CCND3: variants seen among roughly 807,000 people sequenced by gnomAD.
The protein encoded by CCND3 is cyclin D3.
Under a neutral mutation model 28.7 loss-of-function variants are expected in CCND3, and 9 were observed. The ratio of observed to expected loss-of-function variants is 0.31; its 90% CI spans 0.19 to 0.55. The LOEUF (loss-of-function observed/expected upper bound fraction) is 0.55. CCND3 is among the 20% of genes least tolerant of loss of function. CCND3 has a pLI of 0.93. For synonymous variants in CCND3, 164 were observed against 163.9 expected (o/e 1.00, Z 0.00); for missense variants, 315 against 385.8 (o/e 0.82, Z 1.54).
chr6:41,962,725 C>A (rs1228913079), intron 1 of CCND3, among the ~76,000 whole-genome samples: 5 of 151,674 alleles, frequency 3.3e-5, no homozygotes, highest in African/African-American at 1.2e-4. Flanking sequence ...CGCCAGCCTG[C>A]GTGACAAGAG....
intron 1 of CCND3, among the ~76,000 whole-genome samples, chr6:41,969,232 G>A (rs1472411173): frequency 2.0e-5 from 3 of 151,416 alleles, no homozygotes; most frequent in Admixed American, 6.6e-5. Flanking sequence ...ATCAAGACTG[G>A]GCCAGGCACA....
At chr6:41,940,649 G>A (rs1163051893) in intron 1 of CCND3, 64 bp from the exon 2 acceptor site, 2 of 1,169,712 alleles carry the variant, frequency 1.7e-6, no homozygotes, top group East Asian at 4.7e-5. Flanking sequence ...CGGGGGGGTG[G>A]GAGCGCTGAA....
At position 41,941,221 on chromosome 6, in the gene CCND3, GCA is replaced by G. The variant is rs1776003538; in HGVS notation, c.198+229_198+230del. 1.4e-6 allele frequency: 2 copies of G among 1,434,754 alleles called. No homozygotes were observed. The highest frequency in any genetic ancestry group is 1.8e-6 in the Non-Finnish European group (2 of 1,098,694). 88.9% of individuals were successfully genotyped at this position (1,434,754 alleles called of 1,614,324 possible). A position where few individuals can be genotyped will look rare whatever the true frequency, so the allele number is the denominator to read the frequency against. ...TCCCGTTTGCTCGGCCCGAAGAGAGGCACAGTTAGGGTGCCAAGTGACTGGCA... is the reference window on the plus strand; with the variant it reads ...TCCCGTTTGCTCGGCCCGAAGAGAGGCAGTTAGGGTGCCAAGTGACTGGCA... On this transcript the variant is annotated intron_variant, in intron 1 of 4. Transcript: ENST00000372991. The surrounding 1 kb of genome is among the most constrained non-coding windows in gnomAD (Gnocchi z 6.1).
chr6:41,940,583 T>C lies in CCND3; in HGVS notation c.201A>G (p.Val67=), dbSNP rs537903651. The C allele has an allele frequency of 6.4e-6, 10 of 1,557,662 alleles. No homozygotes were observed. Among genetic ancestry groups the C allele is most frequent in the Non-Finnish European group, 8.7e-6 (10 of 1,146,566 alleles). The change falls in exon 2 of 5, where the codon GTA becomes GTG. Residue 67 remains valine (V), a splice_region_variant and synonymous_variant. Coordinates refer to ENST00000372991, the MANE Select transcript of CCND3 (RefSeq NM_001760.5). ...CCTCCTCACAGCGCTGCTCCTCACA[T>C]ACCTGGGGGAGGGCGCACAGTCACT... is the stretch of plus-strand genomic sequence containing the variant. ...RKMLAYWMLE[V]CEEQRCEEEV...
intron 1 of CCND3, among the ~76,000 whole-genome samples, chr6:42,006,779 G>A (rs1763186907): frequency 6.6e-6 from 1 of 152,004 alleles, no homozygotes; most frequent in Admixed American, 6.6e-5. Flanking sequence ...GTGGTGGCGG[G>A]CGCCTGTAGT....
intron 1 of CCND3, among the ~76,000 whole-genome samples, chr6:41,968,195 GA>G (rs1245706892): frequency 6.6e-6 from 1 of 152,106 alleles, no homozygotes; most frequent in South Asian, 2.1e-4. Flanking sequence ...CTGTGCACTG[GA>G]AAAAAATGCC....
At chr6:41,983,538 C>T (rs1224594861) in intron 1 of CCND3, among the ~76,000 whole-genome samples, 1 of 151,784 alleles carries the variant, frequency 6.6e-6, no homozygotes, top group Non-Finnish European at 1.5e-5. Context: ...TCATTATTAA[C>T]TATAATCACC....
intron 1 of CCND3, among the ~76,000 whole-genome samples, chr6:41,991,804 A>C (rs1396126880): frequency 1.3e-5 from 2 of 152,046 alleles, no homozygotes; most frequent in Non-Finnish European, 2.9e-5. Context: ...CTTCTATGAC[A>C]TCAGCTTTTT....
intron 1 of CCND3, among the ~76,000 whole-genome samples, chr6:41,964,465 T>A (rs759471508): frequency 2.8e-5 from 1 of 35,176 alleles, no homozygotes; most frequent in Non-Finnish European, 9.3e-5. Context: ...TGTGTGTGAG[T>A]GTGTGTGTGA....
intron 1 of CCND3, among the ~76,000 whole-genome samples, chr6:41,946,844 G>C (rs1776183747): frequency 6.6e-6 from 1 of 151,980 alleles, no homozygotes; most frequent in Non-Finnish European, 1.5e-5. Context: ...CAGCACTTTG[G>C]GAGGCCGAGG....
At chr6:41,996,828 C>T (rs1762823347) in intron 1 of CCND3, among the ~76,000 whole-genome samples, 1 of 152,040 alleles carries the variant, frequency 6.6e-6, no homozygotes, top group African/African-American at 2.4e-5. Flanking sequence ...CCATGTCCAG[C>T]TAATTTTTGT....
chr6:42,003,408 C>T (rs759879795), intron 1 of CCND3, among the ~76,000 whole-genome samples: 4 of 150,690 alleles, frequency 2.7e-5, no homozygotes, highest in Non-Finnish European at 5.9e-5. Flanking sequence ...ACCTGTAATC[C>T]TAGCTACTTG....
intron 1 of CCND3, among the ~76,000 whole-genome samples, chr6:41,958,538 T>C (rs1776495199): frequency 6.6e-6 from 1 of 152,174 alleles, no homozygotes; most frequent in African/African-American, 2.4e-5. Context: ...AATAAAACAG[T>C]TCTTTTCTCT....
In CCND3 at chr6:41,936,952, C is replaced by G. The variant is rs973342779; in HGVS notation, c.575-257G>C. 1 of 594,948 alleles carries G rather than the reference C, an allele frequency of 1.7e-6. No homozygotes were observed. The highest frequency in any genetic ancestry group is 1.9e-5 in the African/African-American group (1 of 53,800). The allele number at this position is 594,948 out of a possible 1,614,324, so 36.9% of individuals were successfully genotyped here. Reference sequence around the variant, plus strand: ...GACACTCCCTAGTATGGGAACACAACTAGGGCCAAGAGACTGGGGTTCTGT... The same window carrying G: ...GACACTCCCTAGTATGGGAACACAAGTAGGGCCAAGAGACTGGGGTTCTGT... On this transcript the variant is annotated intron_variant, in intron 3 of 4. Coordinates refer to ENST00000372991, the MANE Select transcript of CCND3 (RefSeq NM_001760.5). The surrounding 1 kb of genome is among the most constrained non-coding windows in gnomAD (Gnocchi z 4.4).
intron 1 of CCND3, among the ~76,000 whole-genome samples, chr6:42,045,302 C>T (rs1477415325): frequency 6.6e-6 from 1 of 152,128 alleles, no homozygotes; most frequent in African/African-American, 2.4e-5. Flanking sequence ...CAGATAGATC[C>T]TCGTTCAATT....
intron 1 of CCND3, among the ~76,000 whole-genome samples, chr6:41,997,441 G>GT (rs1176192236): frequency 1.3e-5 from 2 of 152,140 alleles, no homozygotes; most frequent in African/African-American, 4.8e-5. Flanking sequence ...AATAGTGTGA[G>GT]TTATCTGGGG....
chr6:42,018,778 CT>C (rs1397773073), intron 1 of CCND3, among the ~76,000 whole-genome samples: 7 of 151,572 alleles, frequency 4.6e-5, no homozygotes, highest in Non-Finnish European at 7.4e-5. Context: ...GTAATCCCAG[CT>C]ACTCAGGAGG....
chr6:42,035,406 C>T (rs994163403), intron 1 of CCND3, among the ~76,000 whole-genome samples: 6 of 152,136 alleles, frequency 3.9e-5, no homozygotes, highest in African/African-American at 1.2e-4. Flanking sequence ...CTCACACTGT[C>T]GCCCAGGCTG....
chr6:42,031,571 C>A (rs1764044848), intron 1 of CCND3, among the ~76,000 whole-genome samples: 1 of 152,130 alleles, frequency 6.6e-6, no homozygotes, highest in Non-Finnish European at 1.5e-5. Context: ...CAACTCATGA[C>A]ATGTTTTTGA....
Sources: gnomAD v4.1 joint callset for allele counts (sites outside exome capture counted in the v4.1 genomes callset) on GRCh38, gnomAD v4.1.1 for gene constraint, Gnocchi (gnomAD v3.1) non-coding constraint, MANE v1.5 for transcripts, NCBI Gene and HGNC (gene_info 2026-07-23, HGNC 2026-07-21) for gene names.